The following GREB1L variants were observed in gnomAD, a reference collection of about 807,000 sequenced individuals.
GREB1L encodes GREB1-like protein.
A neutral mutation model predicts 200.8 loss-of-function variants in GREB1L; 17 were observed. The ratio of observed to expected loss-of-function variants is 0.08; its 90% confidence interval spans 0.06 to 0.13. The LOEUF (loss-of-function observed/expected upper bound fraction) is 0.13. Ranked by LOEUF, GREB1L falls within the 10% of genes least tolerant of loss-of-function variation. The probability of loss-of-function intolerance (pLI) is 1.00; values close to 1 mark genes in which losing one functional copy is unlikely to be tolerated. For synonymous variants in GREB1L, 789 were observed against 893.0 expected, an observed-to-expected ratio of 0.88 and a Z score of 2.08; for missense variants, 1,657 against 2,367.7, an observed-to-expected ratio of 0.70 and a Z score of 6.23.
intron 1 of GREB1L, among the ~76,000 whole-genome samples, chr18:21,314,832 T>A (rs1019776412): frequency 9.9e-5 from 15 of 152,174 alleles, no homozygotes; most frequent in African/African-American, 3.6e-4. Context: ...GCCTATAGGC[T>A]AGATTTGGTG....
At chr18:21,468,410 T>C (rs2035350059) in intron 15 of GREB1L, among the ~76,000 whole-genome samples, 1 of 152,200 alleles carries the variant, frequency 6.6e-6, no homozygotes. Flanking sequence ...AGGGGTTAAA[T>C]GTATGGAGTT....
chr18:21,479,483 A>G (rs538686540), intron 17 of GREB1L, among the ~76,000 whole-genome samples: 225 of 152,144 alleles, frequency 1.5e-3, no homozygotes, highest in African/African-American at 5.2e-3. Context: ...GTTCAAGACC[A>G]GCCTGGGCAA....
chr18:21,347,149 G>A (rs563312428), intron 1 of GREB1L, among the ~76,000 whole-genome samples: 5 of 151,948 alleles, frequency 3.3e-5, no homozygotes, highest in African/African-American at 1.2e-4. Context: ...GTGGTGGTGG[G>A]TGCCTGTAGT....
chr18:21,389,132 C>T (rs1344919474), intron 4 of GREB1L, among the ~76,000 whole-genome samples: 2 of 152,030 alleles, frequency 1.3e-5, no homozygotes, highest in African/African-American at 4.8e-5. Context: ...AATTCTACTG[C>T]CTGGGAATTC....
chr18:21,422,032 G>A (rs953273160), intron 7 of GREB1L, among the ~76,000 whole-genome samples: 4 of 152,198 alleles, frequency 2.6e-5, no homozygotes, highest in Non-Finnish European at 4.4e-5. Context: ...CTACCACAAT[G>A]TAGAGAGCAG....
intron 1 of GREB1L, among the ~76,000 whole-genome samples, chr18:21,273,802 G>T (rs937550567): frequency 9.2e-5 from 14 of 152,132 alleles, no homozygotes; most frequent in Admixed American, 2.0e-4. Context: ...AAGAAGGCTA[G>T]GGCCATCGGC....
At position 21,363,300 on chromosome 18, in the gene GREB1L, CA is replaced by C. The variant is rs1454540393; in HGVS notation, c.-119-2726del. ...CGCCTCCCCCCCGCCCCCCCCCCCC[CA>C]CACACACAAGAACTCCTCCTGCCTA... On this transcript the variant is annotated intron_variant, in intron 1 of 32. Transcript: ENST00000424526. Among the ~76,000 whole-genome samples the C allele has an allele frequency of 1.0e-4, 11 of 107,350 alleles. No homozygotes were observed. In the South Asian group the frequency reaches 1.2e-3, roughly 12 times the overall value. The allele number at this position is 107,350 out of a possible 152,430, so 70.4% of individuals were successfully genotyped here.
chr18:21,403,653 A>C (rs1243035659), intron 6 of GREB1L, among the ~76,000 whole-genome samples: 1 of 152,182 alleles, frequency 6.6e-6, no homozygotes, highest in African/African-American at 2.4e-5. Context: ...CAAAGGTCCA[A>C]TTTCTTTGAA....
intron 18 of GREB1L, among the ~76,000 whole-genome samples, chr18:21,489,452 C>T (rs2036248433): frequency 1.3e-5 from 2 of 152,178 alleles, no homozygotes; most frequent in Admixed American, 1.3e-4. Flanking sequence ...TAATACTCGA[C>T]AGATATTACA....
intron 1 of GREB1L, among the ~76,000 whole-genome samples, chr18:21,274,922 A>G (rs2038137627): frequency 6.6e-6 from 1 of 151,922 alleles, no homozygotes; most frequent in Admixed American, 6.6e-5. Context: ...AAAAATTTTA[A>G]AATACCACAC....
intron 1 of GREB1L, among the ~76,000 whole-genome samples, chr18:21,344,403 AAACAAC>A (rs146104394): frequency 2.2e-4 from 33 of 150,342 alleles, no homozygotes; most frequent in Middle Eastern, 3.4e-3. Flanking sequence ...TCTGTCTCAA[AAACAAC>A]AACAACAACA....
intron 1 of GREB1L, among the ~76,000 whole-genome samples, chr18:21,296,308 C>A (rs952216929): frequency 6.6e-6 from 1 of 152,168 alleles, no homozygotes; most frequent in South Asian, 2.1e-4. Context: ...AGGCCACTAT[C>A]CTAAGTGAAT....
At chr18:21,361,985 G>C (rs751353855) in intron 1 of GREB1L, among the ~76,000 whole-genome samples, 65 of 152,134 alleles carry the variant, frequency 4.3e-4, no homozygotes, top group Middle Eastern at 3.4e-3. Flanking sequence ...TGTGTATAAG[G>C]CTTTGTTTAT....
At chr18:21,332,302 C>G (rs2145049842) in intron 1 of GREB1L, among the ~76,000 whole-genome samples, 1 of 152,236 alleles carries the variant, frequency 6.6e-6, no homozygotes, top group Middle Eastern at 3.4e-3. Context: ...TCTACTGTCA[C>G]TTTTTATACA....
intron 1 of GREB1L, among the ~76,000 whole-genome samples, chr18:21,351,226 T>C (rs780217939): frequency 6.6e-6 from 1 of 152,186 alleles, no homozygotes; most frequent in African/African-American, 2.4e-5. Flanking sequence ...TTTATGTAGA[T>C]GTTTCTACAC....
intron 15 of GREB1L, among the ~76,000 whole-genome samples, chr18:21,463,291 G>A (rs574515373): frequency 5.3e-5 from 8 of 151,186 alleles, no homozygotes; most frequent in East Asian, 2.0e-4. Context: ...GACCACAAGC[G>A]CCCGCCACCG....
chr18:21,403,794 T>G (rs771969709), intron 6 of GREB1L, 78 bp from the exon 7 acceptor site: 1 of 1,242,360 alleles, frequency 8.0e-7, no homozygotes, highest in Non-Finnish European at 1.1e-6. Flanking sequence ...ATTTAGAGAT[T>G]TTATGGATTG....
chr18:21,389,546 G>C (rs908982785), intron 4 of GREB1L, among the ~76,000 whole-genome samples: 1 of 151,962 alleles, frequency 6.6e-6, no homozygotes, highest in Admixed American at 6.6e-5. Context: ...TGTGTGGATT[G>C]TGTAGTTTTC....
At position 21,395,578 on chromosome 18, in the gene GREB1L, T is replaced by C; in HGVS notation, c.532+17T>C. The C allele has an allele frequency of 6.6e-7, 1 of 1,515,778 alleles. No individual in the cohort carries two copies. Among genetic ancestry groups the C allele is most frequent in the Non-Finnish European group, 8.9e-7 (1 of 1,128,364 alleles). 93.9% of individuals were successfully genotyped at this position (1,515,778 alleles called of 1,614,324 possible). A position where few individuals can be genotyped will look rare whatever the true frequency, so the allele number is the denominator to read the frequency against. On this transcript the variant is annotated intron_variant, in intron 5 of 32. Transcript: ENST00000424526. The stretch of plus-strand genomic sequence containing the variant: ...CACTTTTAGGTGAGTGTTTCATGCT[T>C]ATAAAATTCCTTCCAATATGAGGGA...
Sources: gnomAD v4.1 joint callset for allele counts (sites outside exome capture counted in the v4.1 genomes callset) on GRCh38, gnomAD v4.1.1 for gene constraint, MANE v1.5 for transcripts, NCBI Gene and HGNC (gene_info 2026-07-23, HGNC 2026-07-21) for gene names.